Variants in OR7C1 observed in about 807,000 individuals in gnomAD.
The protein encoded by OR7C1 is olfactory receptor family 7 subfamily C member 1.
For missense variants in OR7C1, 324 were observed against 383.3 expected (o/e 0.85, Z 1.29); for synonymous variants, 152 against 160.7 (o/e 0.95, Z 0.41).
At chr19:14,807,902 A>G (rs1485900041) in intron 2 of OR7C1, among the ~76,000 whole-genome samples, 1 of 151,722 alleles carries the variant, frequency 6.6e-6, no homozygotes, top group Non-Finnish European at 1.5e-5. Context: ...TCTCAAAAAA[A>G]AAAACAAACA....
At chr19:14,810,373 T>G (rs111950956) in intron 1 of OR7C1, among the ~76,000 whole-genome samples, 5 of 104,408 alleles carry the variant, frequency 4.8e-5, no homozygotes, top group African/African-American at 1.5e-4. Flanking sequence ...CCAAAATGAG[T>G]TTTTTTTTTT....
chr19:14,834,345 G>C lies in OR7C1; in HGVS notation c.-623+729C>G, dbSNP rs556761443. 2.6e-5 allele frequency among the ~76,000 whole-genome samples: 4 copies of C among 152,246 alleles called. No individual in the cohort carries two copies. The East Asian group carries it at 5.8e-4, about 22-fold the overall frequency. ...AAGCCAGCAGATATTCCTCGCCACAGTGTTTCTCAATCTCAGCACTATTGA... is the reference window on the plus strand; with the variant it reads ...AAGCCAGCAGATATTCCTCGCCACACTGTTTCTCAATCTCAGCACTATTGA... On this transcript the variant is annotated intron_variant, in intron 1 of 4. Transcript: ENST00000641666.
chr19:14,830,984 A>G (rs906993766), intron 1 of OR7C1, among the ~76,000 whole-genome samples: 2 of 152,198 alleles, frequency 1.3e-5, no homozygotes, highest in Non-Finnish European at 2.9e-5. Context: ...GCACTATCCT[A>G]TAAAATCCCC....
chr19:14,818,061 AT>A (rs1270515532), intron 1 of OR7C1, among the ~76,000 whole-genome samples: 12 of 82,580 alleles, frequency 1.5e-4, no homozygotes, highest in Admixed American at 5.5e-4. Flanking sequence ...CATTTTATTT[AT>A]TTTATTTATT....
intron 1 of OR7C1, among the ~76,000 whole-genome samples, chr19:14,811,269 C>G (rs898852209): frequency 5.3e-5 from 8 of 151,804 alleles, no homozygotes; most frequent in African/African-American, 1.7e-4. Context: ...GCAAGAAGGG[C>G]CAGGCTTCCT....
intron 1 of OR7C1, chr19:14,828,222 G>T (rs2044794092): frequency 6.2e-7 from 1 of 1,611,836 alleles, no homozygotes; most frequent in Admixed American, 1.7e-5. Context: ...TGAAATTTGT[G>T]TATCATTTCC....
chr19:14,814,096 C>G (rs1006167725), intron 1 of OR7C1, among the ~76,000 whole-genome samples: 1 of 151,960 alleles, frequency 6.6e-6, no homozygotes, highest in African/African-American at 2.4e-5. Context: ...AGTGGAAAGA[C>G]TGCATGACAT....
intron 1 of OR7C1, chr19:14,821,294 T>C (rs990088112): frequency 4.6e-5 from 7 of 152,200 alleles, no homozygotes; most frequent in Non-Finnish European, 7.3e-5. Flanking sequence ...ATGGAATAGA[T>C]ACAGGAATAA....
intron 1 of OR7C1, among the ~76,000 whole-genome samples, chr19:14,829,570 G>A (rs1403531549): frequency 2.6e-5 from 4 of 152,152 alleles, no homozygotes; most frequent in East Asian, 1.9e-4. Flanking sequence ...TCAGTAAGAC[G>A]GAGAGTGATG....
chr19:14,807,326 A>T (rs2044670518), intron 2 of OR7C1, among the ~76,000 whole-genome samples: 1 of 151,830 alleles, frequency 6.6e-6, no homozygotes, highest in Non-Finnish European at 1.5e-5. Context: ...TTTTGTTATT[A>T]ATAGAACTCA....
At position 14,799,662 on chromosome 19, in the gene OR7C1, C is replaced by T. The variant is rs74700010; in HGVS notation, c.475G>A (p.Glu159Lys). ...GACAGCCTCAAAACAGTCAAGGTCT[C>T]GAGCAGGGAACCCATGACACTGATG... The change falls in exon 5 of 5, where the codon GAG becomes AAG. Residue 159 changes from glutamate to lysine, a missense_variant. Coordinates refer to ENST00000641666, the Ensembl canonical transcript of OR7C1. The T allele has an allele frequency of 3.4e-3, 5,533 of 1,613,962 alleles. 86 individuals carry two copies. The African/African-American group carries it at 0.045, about 13-fold the overall frequency.
rs1162241411 is a variant in OR7C1 at position 14,822,373 on chromosome 19, C to CTTTTTTTTTTTTTTT, written c.-622-12395_-622-12381dup. ...ATCCTCATCAGCACTTATCTCCTGTCTTTTTTTTTTTTTTTTTTTTTTTTT... is the reference window on the plus strand; with the variant it reads ...ATCCTCATCAGCACTTATCTCCTGTCTTTTTTTTTTTTTTTTTTTTTTTTTTTTTTTTTTTTTTTT... On this transcript the variant is annotated intron_variant, in intron 1 of 4. Transcript: ENST00000641666. Among the ~76,000 whole-genome samples, 10 of 67,722 alleles carry CTTTTTTTTTTTTTTT rather than the reference C, an allele frequency of 1.5e-4. 2 individuals carry two copies. The highest frequency in any genetic ancestry group is 4.9e-4 in the African/African-American group (9 of 18,534). The allele number at this position is 67,722 out of a possible 152,430, so 44.4% of individuals were successfully genotyped here.
chr19:14,827,337 C>T (rs2044777939), intron 1 of OR7C1: 1 of 1,591,618 alleles, frequency 6.3e-7, no homozygotes, highest in Non-Finnish European at 8.5e-7. Context: ...CAAATGTATT[C>T]CCAGAGCCCT....
intron 1 of OR7C1, among the ~76,000 whole-genome samples, chr19:14,822,679 G>T (rs1374300729): frequency 1.3e-5 from 2 of 152,024 alleles, no homozygotes; most frequent in Non-Finnish European, 2.9e-5. Context: ...ACCGCACCCA[G>T]CCACCTGCCT....
At chr19:14,812,315 G>T (rs1161807444) in intron 1 of OR7C1, among the ~76,000 whole-genome samples, 2 of 152,184 alleles carry the variant, frequency 1.3e-5, no homozygotes, top group Non-Finnish European at 2.9e-5. Flanking sequence ...ACAAAGAAGT[G>T]AAATCAAAGA....
At chr19:14,802,105 C>G (rs1453157142) in intron 2 of OR7C1, among the ~76,000 whole-genome samples, 6 of 152,230 alleles carry the variant, frequency 3.9e-5, no homozygotes, top group Non-Finnish European at 1.5e-5. Context: ...AGCTTTGTGG[C>G]AATTTATCAT....
At chr19:14,827,246 T>C (rs781266529) in intron 1 of OR7C1, 1 of 1,496,880 alleles carries the variant, frequency 6.7e-7, no homozygotes, top group Non-Finnish European at 8.9e-7. Context: ...GATTGAAGAA[T>C]GACAGTTACT....
intron 1 of OR7C1, chr19:14,826,742 G>C (rs1240195514): frequency 6.6e-6 from 1 of 152,242 alleles, no homozygotes; most frequent in Non-Finnish European, 1.5e-5. Flanking sequence ...ACTATGCCAG[G>C]GAGTATGGCA....
chr19:14,827,096 A>G, intron 1 of OR7C1: 1 of 492,196 alleles, frequency 2.0e-6, no homozygotes, highest in African/African-American at 2.0e-5. Context: ...AAGAGAAAAA[A>G]CTGTTGGATA....
Sources: allele counts gnomAD v4.1 joint callset (sites outside exome capture counted in the v4.1 genomes callset), GRCh38; gene constraint gnomAD v4.1.1; transcripts MANE v1.5; gene names NCBI Gene and HGNC (gene_info 2026-07-23, HGNC 2026-07-21).